Variants in UBE2V2 observed in about 807,000 individuals in gnomAD.
UBE2V2 encodes ubiquitin conjugating enzyme E2 V2.
Under a neutral mutation model 17.2 loss-of-function variants are expected in UBE2V2, and 9 were observed. The observed-to-expected ratio is 0.52, with a 90% confidence interval of 0.32 to 0.91. The LOEUF (loss-of-function observed/expected upper bound fraction) is 0.91, where lower values mean the gene tolerates loss of function less well. Ranked by LOEUF, UBE2V2 falls within the 40% of genes least tolerant of loss-of-function variation. UBE2V2 has a pLI of 0.04. For missense variants in UBE2V2, 133 were observed against 182.6 expected (o/e 0.73, Z 1.56); for synonymous variants, 61 against 57.5 (o/e 1.06, Z -0.28).
upstream of UBE2V2, among the ~76,000 whole-genome samples, chr8:48,003,987 G>A (rs922593065): frequency 6.6e-6 from 1 of 152,126 alleles, no homozygotes; most frequent in Non-Finnish European, 1.5e-5. Context: ...TGAAAATCAG[G>A]CCGTGGTGTT....
chr8:48,035,944 CTTTCT>C (rs972814500), intron 1 of UBE2V2, among the ~76,000 whole-genome samples: 6 of 142,648 alleles, frequency 4.2e-5, no homozygotes, highest in African/African-American at 1.5e-4. Flanking sequence ...CTCCCCTTGC[CTTTCT>C]TTTTTTTTTT....
intron 1 of UBE2V2, among the ~76,000 whole-genome samples, chr8:48,023,220 CTT>C (rs879721299): frequency 6.3e-5 from 9 of 143,000 alleles, no homozygotes; most frequent in Non-Finnish European, 9.2e-5. Flanking sequence ...TTTAGATATA[CTT>C]TTTTTTTTTT....
chr8:48,016,888 C>T (rs565172171), intron 1 of UBE2V2, among the ~76,000 whole-genome samples: 30 of 150,294 alleles, frequency 2.0e-4, no homozygotes, highest in African/African-American at 6.1e-4. Context: ...CAGGTTCAAG[C>T]GATTCTCCTG....
intron 2 of UBE2V2, among the ~76,000 whole-genome samples, chr8:48,047,193 G>A (rs560084155): frequency 7.2e-5 from 11 of 152,032 alleles, no homozygotes; most frequent in African/African-American, 2.2e-4. Flanking sequence ...CACTCCCTTC[G>A]GCCTCCCAAA....
rs1197951713 is a variant in UBE2V2 at position 48,035,032 on chromosome 8, G to A, written c.17-8001G>A. 8.1e-6 allele frequency: 8 copies of A among 984,812 alleles called. No individual in the cohort carries two copies. The Admixed American group carries it at 3.1e-4, about 38-fold the overall frequency. The allele number at this position is 984,812 out of a possible 1,614,324, so 61.0% of individuals were successfully genotyped here. A position where few individuals can be genotyped will look rare whatever the true frequency, so the allele number is the denominator to read the frequency against. The stretch of plus-strand genomic sequence containing the variant: ...CATGATGGTTGGCTTCCAAAAGAAC[G>A]AAAGCAGAAGTTAGCATTCCTCTTA... On this transcript the variant is annotated intron_variant, in intron 1 of 3. Coordinates refer to ENST00000523111, the MANE Select transcript of UBE2V2 (RefSeq NM_003350.3).
chr8:48,025,686 G>A (rs1427068256), intron 1 of UBE2V2, among the ~76,000 whole-genome samples: 5 of 151,028 alleles, frequency 3.3e-5, no homozygotes, highest in Non-Finnish European at 4.4e-5. Context: ...TGCAAGCTCC[G>A]CCTCCTGGGT....
At chr8:48,024,603 A>T (rs1308160457) in intron 1 of UBE2V2, among the ~76,000 whole-genome samples, 2 of 152,112 alleles carry the variant, frequency 1.3e-5, no homozygotes, top group Non-Finnish European at 2.9e-5. Context: ...CTCAAAAAAA[A>T]AAAAAAGAGA....
intron 1 of UBE2V2, among the ~76,000 whole-genome samples, chr8:48,017,302 A>G (rs930585500): frequency 9.3e-5 from 14 of 150,880 alleles, no homozygotes; most frequent in African/African-American, 3.4e-4. Context: ...GGAGTTCCTT[A>G]TATATTTTGG....
intron 1 of UBE2V2, among the ~76,000 whole-genome samples, chr8:48,040,016 C>T (rs565496247): frequency 2.6e-5 from 4 of 151,462 alleles, no homozygotes; most frequent in Admixed American, 6.6e-5. Context: ...AAGTGTGAGC[C>T]GCCACCATGC....
At chr8:48,013,006 C>T (rs936558888) in intron 1 of UBE2V2, among the ~76,000 whole-genome samples, 11 of 151,772 alleles carry the variant, frequency 7.2e-5, no homozygotes, top group East Asian at 2.0e-4. Context: ...CTGTCACACC[C>T]GGATAATTTT....
At chr8:48,033,047 A>G (rs2091394610) in intron 1 of UBE2V2, among the ~76,000 whole-genome samples, 1 of 152,168 alleles carries the variant, frequency 6.6e-6, no homozygotes, top group Non-Finnish European at 1.5e-5. Flanking sequence ...GAGCAGGGGC[A>G]TACCATCCAG....
intron 1 of UBE2V2, among the ~76,000 whole-genome samples, chr8:48,023,662 A>G (rs1432517335): frequency 6.6e-6 from 1 of 151,826 alleles, no homozygotes; most frequent in African/African-American, 2.4e-5. Context: ...ACTTGAGGTC[A>G]GGAGTTTGAG....
chr8:48,047,090 C>T (rs899571728), intron 2 of UBE2V2, among the ~76,000 whole-genome samples: 6 of 151,462 alleles, frequency 4.0e-5, no homozygotes, highest in African/African-American at 7.3e-5. Context: ...TACAGGCATG[C>T]GACACCATGC....
At chr8:47,999,739 T>G in the UBE2V2 span, among the ~76,000 whole-genome samples, 1 of 152,128 alleles carries the variant, frequency 6.6e-6, no homozygotes, top group Non-Finnish European at 1.5e-5. Flanking sequence ...TGTAGCAGGA[T>G]GAGCCACAGA....
rs538482684 is a variant in UBE2V2, at chr8:48,051,379, G to A, written c.291+1401G>A. Among the ~76,000 whole-genome samples, 4 of 152,178 alleles carry A rather than the reference G, an allele frequency of 2.6e-5. No homozygotes were observed. In the East Asian group the frequency reaches 7.7e-4, roughly 29 times the overall value. ...ATCCATCTTAGGAAATAGGGCCTCA[G>A]TATCCTTGATTTCTCATCCCATCCC... On this transcript the variant is annotated intron_variant, in intron 3 of 3. Coordinates refer to ENST00000523111, the MANE Select transcript of UBE2V2 (RefSeq NM_003350.3).
intron 1 of UBE2V2, among the ~76,000 whole-genome samples, chr8:48,034,244 C>T (rs2091404992): frequency 6.6e-6 from 1 of 151,790 alleles, no homozygotes; most frequent in Non-Finnish European, 1.5e-5. Flanking sequence ...GCCTCAGCCT[C>T]CCAAGTAGCT....
upstream of UBE2V2, among the ~76,000 whole-genome samples, chr8:48,004,981 G>A (rs1461974235): frequency 1.3e-5 from 2 of 149,570 alleles, no homozygotes; most frequent in African/African-American, 4.9e-5. Flanking sequence ...GCACGAACCA[G>A]AATGCCAGCT....
intron 1 of UBE2V2, among the ~76,000 whole-genome samples, chr8:48,019,400 C>A (rs2091289949): frequency 6.6e-6 from 1 of 151,934 alleles, no homozygotes; most frequent in Non-Finnish European, 1.5e-5. Context: ...TGGTGGTGGG[C>A]TCCTGTAGTA....
intron 1 of UBE2V2, among the ~76,000 whole-genome samples, chr8:48,022,676 A>C (rs974049342): frequency 5.9e-5 from 9 of 152,210 alleles, no homozygotes; most frequent in African/African-American, 1.9e-4. Flanking sequence ...CATTTCTTGT[A>C]AGGCAGGTCT....
Sources: gnomAD v4.1 joint callset for allele counts (sites outside exome capture counted in the v4.1 genomes callset) on GRCh38, gnomAD v4.1.1 for gene constraint, MANE v1.5 for transcripts, NCBI Gene and HGNC (gene_info 2026-07-23, HGNC 2026-07-21) for gene names.